The following SHROOM3 variants were observed in gnomAD, a reference collection of about 807,000 sequenced individuals.
The protein encoded by SHROOM3 is shroom family member 3, also known as protein Shroom3.
A neutral mutation model predicts 138.6 loss-of-function variants in SHROOM3; 47 were observed. The observed-to-expected ratio is 0.34, with a 90% confidence interval of 0.27 to 0.43. SHROOM3 has a LOEUF of 0.43. SHROOM3 is among the 20% of genes least tolerant of loss of function. The probability of loss-of-function intolerance (pLI) is 1.00; values close to 1 mark genes in which losing one functional copy is unlikely to be tolerated. For missense variants in SHROOM3, 2,491 were observed against 2,596.5 expected (o/e 0.96, Z 0.88); for synonymous variants, 1,062 against 1,063.3 (o/e 1.00, Z 0.02).
intron 1 of SHROOM3, among the ~76,000 whole-genome samples, chr4:76,446,203 A>G (rs1021705854): frequency 6.6e-6 from 1 of 152,178 alleles, no homozygotes; most frequent in Non-Finnish European, 1.5e-5. Context: ...CTACTAAGGT[A>G]CACATCTAAG....
At chr4:76,487,358 G>T (rs760855466) in intron 1 of SHROOM3, among the ~76,000 whole-genome samples, 1 of 152,128 alleles carries the variant, frequency 6.6e-6, no homozygotes, top group African/African-American at 2.4e-5. Flanking sequence ...GTGGACATCT[G>T]AGTTGCTTCT....
At chr4:76,529,611 C>T (rs534058876) in intron 1 of SHROOM3, among the ~76,000 whole-genome samples, 132 of 152,320 alleles carry the variant, frequency 8.7e-4, no homozygotes, top group Non-Finnish European at 1.6e-3. Flanking sequence ...AGGCATGAGC[C>T]ACCGAGCCCA....
chr4:76,683,354 T>C (rs1577971755), intron 2 of SHROOM3, among the ~76,000 whole-genome samples: 1 of 152,300 alleles, frequency 6.6e-6, no homozygotes. Context: ...TGTTCTTCCT[T>C]GGTCATGTAA....
intron 2 of SHROOM3, among the ~76,000 whole-genome samples, chr4:76,648,243 G>T (rs1242612954): frequency 6.6e-6 from 1 of 152,148 alleles, no homozygotes; most frequent in African/African-American, 2.4e-5. Flanking sequence ...TGGGAGGATT[G>T]CTTGAGTCCA....
intron 1 of SHROOM3, among the ~76,000 whole-genome samples, chr4:76,438,562 T>C (rs1730606706): frequency 6.6e-6 from 1 of 152,260 alleles, no homozygotes. Context: ...CCATGTTGTC[T>C]GTCTGGCAAA....
intron 2 of SHROOM3, among the ~76,000 whole-genome samples, chr4:76,563,345 T>C (rs1733637013): frequency 6.6e-6 from 1 of 152,196 alleles, no homozygotes; most frequent in Admixed American, 6.5e-5. Context: ...GAAATGTGGC[T>C]TTAAAGGACA....
intron 2 of SHROOM3, among the ~76,000 whole-genome samples, chr4:76,674,884 C>T (rs1389719844): frequency 6.6e-6 from 1 of 152,088 alleles, no homozygotes; most frequent in Non-Finnish European, 1.5e-5. Context: ...CATTTCTTAC[C>T]TTCTCCCCAC....
chr4:76,519,544 C>G (rs185444173), intron 1 of SHROOM3, among the ~76,000 whole-genome samples: 1 of 152,190 alleles, frequency 6.6e-6, no homozygotes, highest in African/African-American at 2.4e-5. Context: ...GGTCTCATTT[C>G]CCCCCAGAAC....
At chr4:76,563,521 A>C (rs903816373) in intron 2 of SHROOM3, among the ~76,000 whole-genome samples, 2 of 152,300 alleles carry the variant, frequency 1.3e-5, no homozygotes, top group Non-Finnish European at 2.9e-5. Context: ...TCTCTACGCA[A>C]GTGTATTTGC....
chr4:76,727,142 T>G (rs1188089399), intron 3 of SHROOM3, among the ~76,000 whole-genome samples: 1 of 152,216 alleles, frequency 6.6e-6, no homozygotes, highest in Non-Finnish European at 1.5e-5. Flanking sequence ...TTGTTCTTTC[T>G]CTTCTTTCTC....
At chr4:76,467,337 A>G (rs1159714587) in intron 1 of SHROOM3, among the ~76,000 whole-genome samples, 4 of 152,094 alleles carry the variant, frequency 2.6e-5, no homozygotes, top group Non-Finnish European at 4.4e-5. Flanking sequence ...ACGAGCCACC[A>G]TAGCCAGCTC....
intron 2 of SHROOM3, among the ~76,000 whole-genome samples, chr4:76,575,103 G>A (rs768506197): frequency 1.3e-5 from 2 of 152,180 alleles, no homozygotes; most frequent in East Asian, 3.8e-4. Context: ...AAAACCAGAT[G>A]ATCATTTCAA....
At chr4:76,619,036 C>T (rs61530665) in intron 2 of SHROOM3, among the ~76,000 whole-genome samples, 30,659 of 151,976 alleles carry the variant, frequency 0.2, 3,940 homozygotes, top group African/African-American at 0.35. Flanking sequence ...TTAGTAGAGA[C>T]GGGGTTTCAC....
At position 76,778,988 on chromosome 4, in the gene SHROOM3, G is replaced by C; in HGVS notation, c.5802G>C (p.Glu1934Asp). 1 of 1,614,194 alleles carries C rather than the reference G, an allele frequency of 6.2e-7. No individual in the cohort carries two copies. The highest frequency in any genetic ancestry group is 1.1e-5 in the South Asian group (1 of 91,080). ...AAATGAAGTCCACGCTCCTCATTGA[G>C]CAACGGAAGCTGGATGACAAGATCA... ...FVKMKSTLLI[E>D]QRKLDDKIKL... The change falls in exon 11 of 11, where the codon GAG becomes GAC. Residue 1934 changes from glutamate (E) to aspartate (D), a missense_variant. Around this residue, in one of 4 missense-constraint regions of SHROOM3, gnomAD observed 470 missense variants for 595.0 expected, o/e 0.79. Transcript: ENST00000296043.
chr4:76,567,848 T>C (rs1315559286), intron 2 of SHROOM3, among the ~76,000 whole-genome samples: 2 of 152,018 alleles, frequency 1.3e-5, no homozygotes, highest in African/African-American at 2.4e-5. Context: ...AAGCGAACAA[T>C]TGAAGAGACC....
At chr4:76,685,040 A>G (rs1164089737) in intron 2 of SHROOM3, among the ~76,000 whole-genome samples, 1 of 152,230 alleles carries the variant, frequency 6.6e-6, no homozygotes, top group African/African-American at 2.4e-5. Flanking sequence ...TTATGCTAGA[A>G]GCTATATATT....
intron 1 of SHROOM3, among the ~76,000 whole-genome samples, chr4:76,501,745 A>G (rs1732100481): frequency 6.6e-6 from 1 of 152,230 alleles, no homozygotes; most frequent in African/African-American, 2.4e-5. Context: ...TATGGGATTC[A>G]GGGAGCTTCT....
chr4:76,691,035 TG>T (rs1367941297), intron 2 of SHROOM3, among the ~76,000 whole-genome samples: 1 of 152,232 alleles, frequency 6.6e-6, no homozygotes, highest in African/African-American at 2.4e-5. Context: ...TCCCAGCAAA[TG>T]GTTTCTGTTT....
intron 2 of SHROOM3, among the ~76,000 whole-genome samples, chr4:76,592,896 C>T (rs1734303695): frequency 6.6e-6 from 1 of 152,184 alleles, no homozygotes; most frequent in African/African-American, 2.4e-5. Flanking sequence ...CTTCTCCCCA[C>T]AGTCCAGAAG....
Sources: gnomAD v4.1 joint callset for allele counts (sites outside exome capture counted in the v4.1 genomes callset) on GRCh38, gnomAD v4.1.1 for gene constraint, gnomAD v4.1.1 regional missense constraint, MANE v1.5 for transcripts, NCBI Gene and HGNC (gene_info 2026-07-23, HGNC 2026-07-21) for gene names.